Variants in RBFOX1 observed in about 807,000 individuals in gnomAD.
RBFOX1 encodes RNA binding fox-1 homolog 1.
A neutral mutation model predicts 57.7 loss-of-function variants in RBFOX1; 8 were observed. The ratio of observed to expected loss-of-function variants is 0.14; its 90% CI spans 0.08 to 0.25. The LOEUF is 0.25. Among genes scored for constraint, RBFOX1 ranks in the 10% least tolerant of loss-of-function variants. RBFOX1 has a pLI of 1.00. For missense variants in RBFOX1, 611 were observed against 548.5 expected (o/e 1.11, Z -1.14); for synonymous variants, 326 against 222.4 (o/e 1.47, Z -4.15).
At chr16:5,857,938 C>T (rs1442474902) in intron 3 of RBFOX1, among the ~76,000 whole-genome samples, 2 of 151,934 alleles carry the variant, frequency 1.3e-5, no homozygotes, top group Non-Finnish European at 2.9e-5. Flanking sequence ...CAAAGTGAGA[C>T]CCTGTCTCAA....
At chr16:7,236,295 C>G (rs1311478770) in intron 4 of RBFOX1, among the ~76,000 whole-genome samples, 4 of 152,158 alleles carry the variant, frequency 2.6e-5, no homozygotes, top group South Asian at 2.1e-4. Flanking sequence ...GTATTTAACA[C>G]CATATTGTTT....
exon 3 of RBFOX1, chr16:5,599,518 C>G (rs571808649): frequency 2.4e-6 from 1 of 410,894 alleles, no homozygotes; most frequent in East Asian, 4.2e-5. Context: ...TCTGAAATCA[C>G]TCATGCACCG....
At chr16:5,932,850 C>G (rs1398734524) in intron 4 of RBFOX1, among the ~76,000 whole-genome samples, 3 of 152,110 alleles carry the variant, frequency 2.0e-5, no homozygotes, top group African/African-American at 7.2e-5. Context: ...CTCACACCCG[C>G]CACTCCCTGC....
intron 12 of RBFOX1, among the ~76,000 whole-genome samples, chr16:7,661,604 T>C (rs1312308042): frequency 6.6e-6 from 1 of 152,238 alleles, no homozygotes; most frequent in East Asian, 1.9e-4. Flanking sequence ...GCTGTGATTC[T>C]ACAGTTTTAT....
At chr16:7,692,446 A>G (rs1014794841) in intron 14 of RBFOX1, among the ~76,000 whole-genome samples, 1 of 152,154 alleles carries the variant, frequency 6.6e-6, no homozygotes, top group African/African-American at 2.4e-5. Context: ...AATCATACTA[A>G]GAAGAAAAAT....
At chr16:5,868,515 C>T (rs955742394) in intron 4 of RBFOX1, among the ~76,000 whole-genome samples, 7 of 152,208 alleles carry the variant, frequency 4.6e-5, no homozygotes, top group African/African-American at 1.4e-4. Context: ...GGCAGATTCT[C>T]GCAGGATTCT....
At chr16:6,383,243 G>T (rs564123702) in intron 2 of RBFOX1, among the ~76,000 whole-genome samples, 8 of 152,352 alleles carry the variant, frequency 5.3e-5, no homozygotes, top group African/African-American at 1.9e-4. Flanking sequence ...TATCAAATCT[G>T]AGTGACATTA....
At chr16:5,785,944 T>C (rs2054486753) in intron 3 of RBFOX1, among the ~76,000 whole-genome samples, 1 of 152,120 alleles carries the variant, frequency 6.6e-6, no homozygotes, top group South Asian at 2.1e-4. Context: ...CCACCCCCCA[T>C]TTCCATTCCC....
At chr16:6,802,156 G>A (rs2085624102) in intron 3 of RBFOX1, among the ~76,000 whole-genome samples, 1 of 151,288 alleles carries the variant, frequency 6.6e-6, no homozygotes, top group Non-Finnish European at 1.5e-5. Flanking sequence ...GAAAGGCCTG[G>A]GCACAATTCT....
chr16:6,886,218 C>G (rs141027296), intron 3 of RBFOX1, among the ~76,000 whole-genome samples: 13 of 151,980 alleles, frequency 8.6e-5, no homozygotes, highest in Non-Finnish European at 1.6e-4. Context: ...TGTGCTACCA[C>G]GCTTAGCTAA....
At chr16:7,142,161 C>T (rs1281717784) in intron 4 of RBFOX1, among the ~76,000 whole-genome samples, 1 of 151,994 alleles carries the variant, frequency 6.6e-6, no homozygotes, top group African/African-American at 2.4e-5. Flanking sequence ...GTAGCTGGGA[C>T]TGCGAGCACA....
At chr16:7,478,324 C>G (rs1221898242) in intron 4 of RBFOX1, among the ~76,000 whole-genome samples, 1 of 151,932 alleles carries the variant, frequency 6.6e-6, no homozygotes, top group African/African-American at 2.4e-5. Context: ...AAAGGGATAG[C>G]AAGAGGAAGA....
intron 3 of RBFOX1, among the ~76,000 whole-genome samples, chr16:7,048,259 T>A (rs909828063): frequency 5.3e-5 from 8 of 149,868 alleles, no homozygotes; most frequent in Non-Finnish European, 4.4e-5. Flanking sequence ...TTTGTTTTGT[T>A]TTGTTTGTTT....
intron 1 of RBFOX1, among the ~76,000 whole-genome samples, chr16:6,137,507 T>A (rs2152691644): frequency 6.6e-6 from 1 of 152,136 alleles, no homozygotes; most frequent in Admixed American, 6.5e-5. Context: ...GGTTTCACCA[T>A]GTTGGTCAGG....
chr16:6,308,429 G>T (rs1304396508), intron 1 of RBFOX1, among the ~76,000 whole-genome samples: 1 of 152,186 alleles, frequency 6.6e-6, no homozygotes, highest in African/African-American at 2.4e-5. Context: ...TTACATAAAT[G>T]AATGCACATG....
intron 4 of RBFOX1, among the ~76,000 whole-genome samples, chr16:5,999,298 TC>T (rs2152327336): frequency 6.6e-6 from 1 of 152,302 alleles, no homozygotes; most frequent in South Asian, 2.1e-4. Flanking sequence ...TCATGCTTCT[TC>T]CCCAAACTAA....
chr16:5,289,587 T>G (rs866297098), intron 1 of RBFOX1, among the ~76,000 whole-genome samples: 30 of 152,374 alleles, frequency 2.0e-4, no homozygotes, highest in Middle Eastern at 3.4e-3. Flanking sequence ...TTTTACTTTT[T>G]AAAACGTGGT....
Position 6,641,064 on chromosome 16 carries a change from C to CTTCA in RBFOX1, c.-63-13538_-63-13535dup, listed in dbSNP as rs1162139907. Among the ~76,000 whole-genome samples, 7 of 152,324 alleles carry CTTCA rather than the reference C, an allele frequency of 4.6e-5. 1 individual carries two copies. The highest frequency in any genetic ancestry group is 7.3e-5 in the Non-Finnish European group (5 of 68,032). ...CCGTTCTGCATCCCACTTTCCCGAT[C>CTTCA]TTCACTTCAGTTGCTTAAATGGAGT... On this transcript the variant is annotated intron_variant, in intron 2 of 15. Transcript: ENST00000550418.
intron 4 of RBFOX1, among the ~76,000 whole-genome samples, chr16:5,918,890 C>T (rs1009236870): frequency 1.3e-5 from 2 of 152,142 alleles, no homozygotes; most frequent in African/African-American, 4.8e-5. Context: ...TCAGAAAAGT[C>T]GTCTTTAGGT....
Sources: allele counts gnomAD v4.1 joint callset (sites outside exome capture counted in the v4.1 genomes callset), GRCh38; gene constraint gnomAD v4.1.1; transcripts MANE v1.5; gene names NCBI Gene and HGNC (gene_info 2026-07-23, HGNC 2026-07-21).